Variants in SLC9B2 observed in about 807,000 individuals in gnomAD.
SLC9B2 encodes sodium/hydrogen exchanger 9B2.
In SLC9B2, 39 loss-of-function variants were observed where a neutral mutation model predicts 52.2. That is an observed-to-expected ratio of 0.75 (90% CI 0.58 to 0.98). The LOEUF is 0.98. SLC9B2 is among the 50% of genes least tolerant of loss of function. The pLI is 0.00. For missense variants in SLC9B2, 626 were observed against 637.5 expected, an observed-to-expected ratio of 0.98 and a Z score of 0.19; for synonymous variants, 214 against 227.0, an observed-to-expected ratio of 0.94 and a Z score of 0.51.
Position 103,066,343 on chromosome 4 carries a change from G to A in SLC9B2, c.255C>T (p.Asp85=), listed in dbSNP as rs986188524. The A allele has an allele frequency of 6.2e-7, 1 of 1,613,412 alleles. No homozygotes were observed. Among genetic ancestry groups the A allele is most frequent in the Middle Eastern group, 1.7e-4 (1 of 6,058 alleles). Residue 85 remains aspartate (D), a synonymous_variant, in exon 3 of 12, where the codon GAC becomes GAT. Coordinates refer to ENST00000394785, the MANE Select transcript of SLC9B2 (RefSeq NM_178833.7). ...CATCCTTACCATTTGTTATGACCCT[G>A]TCCAGTAAACCATGTGGAGGGCAAG... ...MLACPPHGLL[D]RVITNVTIIV... is the part of the protein sequence containing the mutation.
intron 1 of SLC9B2, among the ~76,000 whole-genome samples, chr4:103,072,258 C>T (rs1746724390): frequency 6.6e-6 from 1 of 151,794 alleles, no homozygotes; most frequent in African/African-American, 2.4e-5. Flanking sequence ...GGGGTTTCAC[C>T]ATGTTGGCCA....
rs1205134462 is a variant in SLC9B2 at position 103,057,985 on chromosome 4, G to C, written c.272-14C>G. 1 of 1,596,348 alleles carries C rather than the reference G, an allele frequency of 6.3e-7. No homozygotes were observed. The highest frequency in any genetic ancestry group is 1.1e-5 in the South Asian group (1 of 87,228). ...CAATGATGGTAACTGAAATAAACCA[G>C]GAATACTAGTTACTATCAATAAGTT... On this transcript the variant is annotated splice_polypyrimidine_tract_variant and intron_variant, in intron 3 of 11. Transcript: ENST00000394785.
intron 1 of SLC9B2, 127 bp from the exon 2 acceptor site, chr4:103,067,719 T>C: frequency 1.7e-6 from 1 of 587,006 alleles, no homozygotes; most frequent in Non-Finnish European, 3.0e-6. Context: ...TAGACTATTC[T>C]TAATTTTCAA....
chr4:103,021,807 C>T (rs1369145903), downstream of SLC9B2, among the ~76,000 whole-genome samples: 1 of 152,190 alleles, frequency 6.6e-6, no homozygotes, highest in African/African-American at 2.4e-5. Flanking sequence ...CAATCACTTT[C>T]TATGCTCCAG....
intron 6 of SLC9B2, 40 bp from the exon 7 acceptor site, chr4:103,047,266 A>G: frequency 1.3e-6 from 2 of 1,520,902 alleles, no homozygotes; most frequent in Non-Finnish European, 1.8e-6. Flanking sequence ...ATAACATCTT[A>G]CTTATTACTA....
At position 103,066,527 on chromosome 4, in the gene SLC9B2, A is replaced by T. The variant is rs1390479181; in HGVS notation, c.91-20T>A. 3.8e-6 allele frequency: 6 copies of T among 1,598,166 alleles called. No individual in the cohort carries two copies. Among genetic ancestry groups the T allele is most frequent in the Non-Finnish European group, 5.1e-6 (6 of 1,173,436 alleles). On this transcript the variant is annotated intron_variant, in intron 2 of 11. Transcript: ENST00000394785. ...CTCCTCCTGTGTTTAAAGTAATTTTAAAAATCCTTAAAACTGTATATATTT... is the reference window on the plus strand; with the variant it reads ...CTCCTCCTGTGTTTAAAGTAATTTTTAAAATCCTTAAAACTGTATATATTT...
Position 103,026,174 on chromosome 4 carries a change from G to A in SLC9B2, c.*196C>T. On this transcript the variant is annotated 3_prime_UTR_variant, in exon 12 of 12. Coordinates refer to ENST00000394785, the MANE Select transcript of SLC9B2 (RefSeq NM_178833.7). ...GATGAAGGGGTGTTTGAAAAAAAAG[G>A]CAGAGAGATTAAGGTTGGTGATATA... 2.1e-6 allele frequency: 1 copy of A among 482,264 alleles called. No individual in the cohort carries two copies. The highest frequency in any genetic ancestry group is 3.9e-5 in the South Asian group (1 of 25,936). The allele number at this position is 482,264 out of a possible 1,614,324, so 29.9% of individuals were successfully genotyped here.
intron 7 of SLC9B2, among the ~76,000 whole-genome samples, chr4:103,046,650 T>TCTTTTGTGTG (rs1476287440): frequency 1.3e-5 from 2 of 152,184 alleles, no homozygotes; most frequent in East Asian, 1.9e-4. Flanking sequence ...AACCCACTCA[T>TCTTTTGTGTG]ATTTTGTGTG....
downstream of SLC9B2, among the ~76,000 whole-genome samples, chr4:103,020,837 C>A (rs928709796): frequency 5.3e-5 from 8 of 152,154 alleles, no homozygotes; most frequent in Non-Finnish European, 1.0e-4. Flanking sequence ...ACATATTGCC[C>A]AGGAGGACTT....
Position 103,067,619 on chromosome 4 carries a change from G to C in SLC9B2, c.-42-27C>G, listed in dbSNP as rs748967807. 5 of 1,230,294 alleles carry C rather than the reference G, an allele frequency of 4.1e-6. No homozygotes were observed. The African/African-American group carries it at 7.4e-5, about 18-fold the overall frequency. 76.2% of individuals were successfully genotyped at this position (1,230,294 alleles called of 1,614,324 possible). A position where few individuals can be genotyped will look rare whatever the true frequency, so the allele number is the denominator to read the frequency against. ...TGTTTTGAAAGAGTATAGATATAGA[G>C]CAGTAATTTGAAAGTCTTGTGATTT... On this transcript the variant is annotated intron_variant, in intron 1 of 11. Transcript: ENST00000394785.
chr4:103,054,142 G>T (rs924545348), intron 4 of SLC9B2, among the ~76,000 whole-genome samples: 1 of 152,046 alleles, frequency 6.6e-6, no homozygotes, highest in African/African-American at 2.4e-5. Flanking sequence ...AGGGACATGT[G>T]CCTGTAGTCC....
At chr4:103,054,977 T>C (rs1455619063) in intron 4 of SLC9B2, among the ~76,000 whole-genome samples, 1 of 152,096 alleles carries the variant, frequency 6.6e-6, no homozygotes, top group Non-Finnish European at 1.5e-5. Context: ...AGCAAAGACT[T>C]GGAACCAAGC....
At chr4:103,028,949 C>T in intron 10 of SLC9B2, 66 bp from the exon 11 acceptor site, 1 of 1,300,350 alleles carries the variant, frequency 7.7e-7, no homozygotes, top group Non-Finnish European at 1.0e-6. Flanking sequence ...CTCATGGTTA[C>T]TAATTCAAAA....
intron 9 of SLC9B2, among the ~76,000 whole-genome samples, chr4:103,039,876 G>A (rs570323478): frequency 6.6e-6 from 1 of 152,046 alleles, no homozygotes; most frequent in East Asian, 1.9e-4. Context: ...TCGAATTCCT[G>A]ACCTCATGAT....
chr4:103,044,701 TACAGG>T (rs1743951723), intron 8 of SLC9B2, among the ~76,000 whole-genome samples, 184 bp downstream of exon 8: 1 of 152,242 alleles, frequency 6.6e-6, no homozygotes, highest in African/African-American at 2.4e-5. Context: ...GGGAACCCAT[TACAGG>T]ACTGCATTAA....
rs1437666189 is a variant in SLC9B2 at position 103,032,853 on chromosome 4, C to T, written c.1147-1045G>A. Among the ~76,000 whole-genome samples the T allele has an allele frequency of 2.0e-5, 3 of 152,302 alleles. No individual in the cohort carries two copies. In the East Asian group the frequency reaches 5.8e-4, roughly 29 times the overall value. On this transcript the variant is annotated intron_variant, in intron 9 of 11. Transcript: ENST00000394785. Reference sequence around the variant, plus strand: ...TGCAAGCACAGCACCACAGCGACTTCTCTAGGCTCTAACAGAGTCTGGATC... The same window carrying T: ...TGCAAGCACAGCACCACAGCGACTTTTCTAGGCTCTAACAGAGTCTGGATC...
intron 1 of SLC9B2, among the ~76,000 whole-genome samples, chr4:103,069,320 C>T (rs1285126825): frequency 1.3e-5 from 2 of 152,156 alleles, no homozygotes; most frequent in South Asian, 2.1e-4. Context: ...TCTCAAACCA[C>T]GGCACTTGGC....
intron 1 of SLC9B2, among the ~76,000 whole-genome samples, chr4:103,071,317 C>T (rs1019586379): frequency 6.6e-6 from 1 of 151,812 alleles, no homozygotes; most frequent in Non-Finnish European, 1.5e-5. Flanking sequence ...GATTCTCCTA[C>T]CTTGGCCTCC....
intron 10 of SLC9B2, among the ~76,000 whole-genome samples, chr4:103,029,830 GAGTA>G (rs776410068): frequency 3.0e-4 from 45 of 152,098 alleles, no homozygotes; most frequent in Non-Finnish European, 6.5e-4. Context: ...ACAACCCGTG[GAGTA>G]AGTATTATTT....
Sources: allele counts gnomAD v4.1 joint callset (sites outside exome capture counted in the v4.1 genomes callset), GRCh38; gene constraint gnomAD v4.1.1; transcripts MANE v1.5; gene names NCBI Gene and HGNC (gene_info 2026-07-23, HGNC 2026-07-21).